Variants in CTNNBIP1 observed in about 807,000 individuals in gnomAD.
The protein encoded by CTNNBIP1 is beta-catenin-interacting protein 1.
CTNNBIP1 carries 7 observed loss-of-function variants against 11.8 expected under a neutral mutation model. The ratio of observed to expected loss-of-function variants is 0.60; its 90% CI spans 0.34 to 1.12. The LOEUF is 1.12. CTNNBIP1 is among the 50% of genes most tolerant of loss of function. The pLI is 0.03. For synonymous variants in CTNNBIP1, 58 were observed against 43.9 expected (o/e 1.32, Z -1.26); for missense variants, 101 against 113.4 (o/e 0.89, Z 0.50).
rs146175510 is a variant in CTNNBIP1 at position 9,852,511 on chromosome 1, G to A, written c.188-1735C>T. ...TTGGGAAGCCCTATGAATCCTTCCC[G>A]TCTTCTCAGGAACATTCTGTTTTCG... is the stretch of plus-strand genomic sequence containing the variant. On this transcript the variant is annotated intron_variant, in intron 5 of 5. Coordinates refer to ENST00000377263, the MANE Select transcript of CTNNBIP1 (RefSeq NM_020248.3). Among the ~76,000 whole-genome samples the A allele has an allele frequency of 6.4e-3, 970 of 152,284 alleles. 18 individuals carry two copies. The highest frequency in any genetic ancestry group is 0.037 in the Middle Eastern group (11 of 294).
intron 5 of CTNNBIP1, among the ~76,000 whole-genome samples, chr1:9,857,357 G>C (rs555681943): frequency 7.9e-4 from 120 of 151,752 alleles, no homozygotes; most frequent in Non-Finnish European, 1.4e-3. Flanking sequence ...GCGGGCGCCT[G>C]TAGTCCCGGG....
intron 5 of CTNNBIP1, among the ~76,000 whole-genome samples, chr1:9,864,415 G>A (rs886401171): frequency 2.6e-5 from 4 of 152,134 alleles, no homozygotes; most frequent in Non-Finnish European, 5.9e-5. Context: ...TGCAAGCTCC[G>A]CCTCCCGGGT....
chr1:9,866,523 G>A (rs571821997), intron 5 of CTNNBIP1, among the ~76,000 whole-genome samples: 3 of 152,054 alleles, frequency 2.0e-5, no homozygotes, highest in South Asian at 2.1e-4. Context: ...GTGAAACCCC[G>A]TCTCTAATCA....
intron 3 of CTNNBIP1, among the ~76,000 whole-genome samples, chr1:9,876,845 T>TACACAC (rs34192085): frequency 0.034 from 4,753 of 138,122 alleles, 90 homozygotes; most frequent in South Asian, 0.067. Flanking sequence ...CTGCTATACA[T>TACACAC]ACACACACAC....
rs904956848 is a variant in CTNNBIP1, at chr1:9,863,542, G to A, written c.187+7645C>T. Among the ~76,000 whole-genome samples the A allele has an allele frequency of 3.3e-5, 5 of 152,316 alleles. No individual in the cohort carries two copies. In the East Asian group the frequency reaches 9.6e-4, roughly 29 times the overall value. On this transcript the variant is annotated intron_variant, in intron 5 of 5. Transcript: ENST00000377263. ...GGCCCAGCCGGCTGCCCCCAAGGAG[G>A]AGCTGCTCCAGCAGCCTGGCCCTGG...
At chr1:9,873,854 C>G (rs1193373758) in intron 3 of CTNNBIP1, among the ~76,000 whole-genome samples, 2 of 152,150 alleles carry the variant, frequency 1.3e-5, no homozygotes, top group South Asian at 2.1e-4. Context: ...CCCAACTCAG[C>G]CTCCTGAGTA....
At chr1:9,893,718 CT>C (rs1344436823) in intron 1 of CTNNBIP1, among the ~76,000 whole-genome samples, 1 of 152,200 alleles carries the variant, frequency 6.6e-6, no homozygotes, top group Non-Finnish European at 1.5e-5. Flanking sequence ...GAGAACAAAA[CT>C]TCCTTGCAAA....
chr1:9,864,570 C>T (rs1220410), intron 5 of CTNNBIP1, among the ~76,000 whole-genome samples: 151,428 of 152,306 alleles, frequency 0.99, 75,277 homozygotes, highest in East Asian at 1. Flanking sequence ...CCTCGTGATC[C>T]GCCCACCTTG....
intron 1 of CTNNBIP1, among the ~76,000 whole-genome samples, chr1:9,901,088 AG>A (rs1424423301): frequency 6.6e-6 from 1 of 152,230 alleles, no homozygotes; most frequent in Admixed American, 6.5e-5. Flanking sequence ...ATCATACCCC[AG>A]GCCCCTCCCC....
chr1:9,903,109 C>T (rs1319370352), intron 1 of CTNNBIP1, among the ~76,000 whole-genome samples: 1 of 152,104 alleles, frequency 6.6e-6, no homozygotes, highest in East Asian at 1.9e-4. Flanking sequence ...ATTCCTAGTA[C>T]CTATGATGGT....
rs916819260 is a variant in CTNNBIP1, at chr1:9,910,256, A to T, written c.-305T>A. On this transcript the variant is annotated 5_prime_UTR_variant, in exon 1 of 6. Coordinates refer to ENST00000377263, the MANE Select transcript of CTNNBIP1 (RefSeq NM_020248.3). ...GCCTCCGCCTCCCGCTCCGAGAGTCACCGCGGTGGGGAGGGAGGGAGGCGC... is the reference window on the plus strand; with the variant it reads ...GCCTCCGCCTCCCGCTCCGAGAGTCTCCGCGGTGGGGAGGGAGGGAGGCGC... 1.4e-5 allele frequency: 2 copies of T among 147,072 alleles called. No homozygotes were observed. Among genetic ancestry groups the T allele is most frequent in the Non-Finnish European group, 3.0e-5 (2 of 65,882 alleles). The allele number at this position is 147,072 out of a possible 1,614,324, so 9.1% of individuals were successfully genotyped here.
intron 3 of CTNNBIP1, among the ~76,000 whole-genome samples, chr1:9,874,550 CGCCT>C (rs748684460): frequency 2.0e-5 from 3 of 152,206 alleles, no homozygotes; most frequent in Admixed American, 6.5e-5. Context: ...CCACCATGCC[CGCCT>C]GTCCTGATTT....
intron 1 of CTNNBIP1, among the ~76,000 whole-genome samples, chr1:9,897,175 C>T (rs1639425111): frequency 6.6e-6 from 1 of 151,942 alleles, no homozygotes; most frequent in South Asian, 2.1e-4. Flanking sequence ...AAAAACGTGG[C>T]CAGGCACGGT....
At chr1:9,856,853 G>C (rs997090491) in intron 5 of CTNNBIP1, among the ~76,000 whole-genome samples, 3 of 152,092 alleles carry the variant, frequency 2.0e-5, no homozygotes, top group African/African-American at 7.2e-5. Context: ...GCTGGGTGCA[G>C]TGGCTCACGC....
chr1:9,907,868 C>A (rs1310042654), intron 1 of CTNNBIP1, among the ~76,000 whole-genome samples: 1 of 152,336 alleles, frequency 6.6e-6, no homozygotes, highest in South Asian at 2.1e-4. Context: ...TGTCTCATAA[C>A]TGGTATTCCT....
chr1:9,909,351 C>A (rs538484714), intron 1 of CTNNBIP1, among the ~76,000 whole-genome samples: 1 of 152,190 alleles, frequency 6.6e-6, no homozygotes, highest in African/African-American at 2.4e-5. Flanking sequence ...GATTTGCGGC[C>A]AACACGGCCC....
intron 5 of CTNNBIP1, among the ~76,000 whole-genome samples, chr1:9,866,082 A>G (rs1038762454): frequency 5.3e-5 from 8 of 152,218 alleles, no homozygotes; most frequent in African/African-American, 1.9e-4. Context: ...AACATGACAA[A>G]CAATAAGATG....
Position 9,871,700 on chromosome 1 carries a change from G to A in CTNNBIP1, c.96+269C>T, listed in dbSNP as rs1355348046. ...GAGAAGACTTTCGGGCTTGTGAGGG[G>A]GAGAAAAGGAAGGTCAGGGCCTTGA... On this transcript the variant is annotated intron_variant, in intron 4 of 5. Transcript: ENST00000377263. The surrounding 1 kb of genome is among the most constrained non-coding windows in gnomAD (Gnocchi z 5.2). Among the ~76,000 whole-genome samples, 7 of 152,180 alleles carry A rather than the reference G, an allele frequency of 4.6e-5. No homozygotes were observed. Among genetic ancestry groups the A allele is most frequent in the African/African-American group, 1.4e-4 (6 of 41,434 alleles).
At chr1:9,890,972 C>T (rs763931561) in intron 1 of CTNNBIP1, among the ~76,000 whole-genome samples, 30 of 152,148 alleles carry the variant, frequency 2.0e-4, no homozygotes, top group Non-Finnish European at 2.6e-4. Flanking sequence ...CCAGAGAGTG[C>T]GGGTCACCTC....
Sources: gnomAD v4.1 joint callset for allele counts (sites outside exome capture counted in the v4.1 genomes callset) on GRCh38, gnomAD v4.1.1 for gene constraint, Gnocchi (gnomAD v3.1) non-coding constraint, MANE v1.5 for transcripts, NCBI Gene and HGNC (gene_info 2026-07-23, HGNC 2026-07-21) for gene names.